Variants in PDLIM3 observed in about 807,000 individuals in gnomAD.
The protein encoded by PDLIM3 is PDZ and LIM domain protein 3.
A neutral mutation model predicts 37.3 loss-of-function variants in PDLIM3; 36 were observed. That is an observed-to-expected ratio of 0.97 (90% CI 0.74 to 1.28). PDLIM3 has a LOEUF of 1.28. PDLIM3 is among the 50% of genes most tolerant of loss of function. The pLI is 0.00. For missense variants in PDLIM3, 454 were observed against 485.0 expected, an observed-to-expected ratio of 0.94 and a Z score of 0.60; for synonymous variants, 174 against 182.4, an observed-to-expected ratio of 0.95 and a Z score of 0.37.
chr4:185,510,617 G>GATTTTTCAAA (rs1156400850), intron 4 of PDLIM3, among the ~76,000 whole-genome samples: 21 of 151,814 alleles, frequency 1.4e-4, no homozygotes, highest in Admixed American at 7.2e-4. Context: ...TTTTCAAATT[G>GATTTTTCAAA]TCGCAAATCT....
rs1448486328 is a variant in PDLIM3, at chr4:185,522,531, T to C, written c.330+831A>G. Among the ~76,000 whole-genome samples, 2 of 66,868 alleles carry C rather than the reference T, an allele frequency of 3.0e-5. 1 individual carries two copies. The highest frequency in any genetic ancestry group is 1.2e-4 in the Non-Finnish European group (2 of 16,264). The allele number at this position is 66,868 out of a possible 152,430, so 43.9% of individuals were successfully genotyped here. A position where few individuals can be genotyped will look rare whatever the true frequency, so the allele number is the denominator to read the frequency against. On this transcript the variant is annotated intron_variant, in intron 3 of 7. Coordinates refer to ENST00000284767, the MANE Select transcript of PDLIM3 (RefSeq NM_014476.6). The stretch of plus-strand genomic sequence containing the variant: ...ATTACAAATACGTTTTCAGTTCCCT[T>C]TCATCAGTTATATAGAACAACTACA...
intron 1 of PDLIM3, among the ~76,000 whole-genome samples, chr4:185,529,570 C>T (rs2095740314): frequency 6.6e-6 from 1 of 152,206 alleles, no homozygotes; most frequent in South Asian, 2.1e-4. Flanking sequence ...TTGGCATCCA[C>T]AGCCCTGCAG....
chr4:185,518,281 T>C (rs1313224888), intron 3 of PDLIM3, among the ~76,000 whole-genome samples: 1 of 152,208 alleles, frequency 6.6e-6, no homozygotes, highest in Admixed American at 6.5e-5. Context: ...CAGTCTCCCA[T>C]GTCCTTGGAA....
chr4:185,523,586 T>G, intron 2 of PDLIM3, 140 bp from the exon 3 acceptor site: 1 of 592,832 alleles, frequency 1.7e-6, no homozygotes, highest in Non-Finnish European at 3.0e-6. Context: ...TTTTGCTGAT[T>G]ATTCTGTATT....
chr4:185,513,183 A>T, intron 4 of PDLIM3: 4 of 985,336 alleles, frequency 4.1e-6, no homozygotes, highest in Non-Finnish European at 4.8e-6. Context: ...AGGGGGGGGA[A>T]GATGTGTTTG....
chr4:185,517,771 G>A lies in PDLIM3; in HGVS notation c.331-3434C>T, dbSNP rs561170745. The A allele has an allele frequency of 4.0e-5, 6 of 151,800 alleles. No homozygotes were observed. In the East Asian group the frequency reaches 7.7e-4, roughly 20 times the overall value. The allele number at this position is 151,800 out of a possible 1,614,324, so 9.4% of individuals were successfully genotyped here. On this transcript the variant is annotated intron_variant, in intron 3 of 7. Transcript: ENST00000284767. ...CTGCAAACATTTTTATTTAGGCTTT[G>A]CAAAGCATTAGTTTATGGGCTTTTA...
chr4:185,527,496 A>G (rs969714886), intron 1 of PDLIM3, among the ~76,000 whole-genome samples: 1 of 152,200 alleles, frequency 6.6e-6, no homozygotes, highest in Non-Finnish European at 1.5e-5. Flanking sequence ...AGCTATCACA[A>G]TGATTTCCCA....
At chr4:185,519,621 C>T (rs2095719982) in intron 3 of PDLIM3, among the ~76,000 whole-genome samples, 1 of 152,096 alleles carries the variant, frequency 6.6e-6, no homozygotes, top group South Asian at 2.1e-4. Flanking sequence ...AATTTTATAT[C>T]AACTATTCCT....
chr4:185,526,304 A>G (rs191455419), intron 1 of PDLIM3, among the ~76,000 whole-genome samples: 297 of 152,376 alleles, frequency 1.9e-3, no homozygotes, highest in Middle Eastern at 0.014. Context: ...GGACAGATGA[A>G]ACCAAACTAG....
chr4:185,534,019 A>C (rs961459868), intron 1 of PDLIM3, among the ~76,000 whole-genome samples: 1 of 152,210 alleles, frequency 6.6e-6, no homozygotes, highest in Admixed American at 6.5e-5. Flanking sequence ...TGCTTGGCCC[A>C]GGTCACTGAA....
intron 5 of PDLIM3, chr4:185,507,219 G>A (rs1231478153): frequency 6.5e-6 from 1 of 152,834 alleles, no homozygotes; most frequent in Non-Finnish European, 1.5e-5. Flanking sequence ...ACCTCTCAGG[G>A]TTTGAAAGCC....
chr4:185,523,582 T>G (rs975872499), intron 2 of PDLIM3, 136 bp from the exon 3 acceptor site: 102 of 542,376 alleles, frequency 1.9e-4, no homozygotes, highest in African/African-American at 1.9e-3. Flanking sequence ...TTTTTTTTGC[T>G]GATTATTCTG....
intron 6 of PDLIM3, 34 bp downstream of exon 6, chr4:185,506,488 C>G (rs1421740076): frequency 4.3e-6 from 7 of 1,612,710 alleles, no homozygotes; most frequent in Non-Finnish European, 5.1e-6. Flanking sequence ...TGGCCTCTAT[C>G]AATACGTTTC....
chr4:185,514,309 T>C lies in PDLIM3; in HGVS notation c.359A>G (p.Asn120Ser), dbSNP rs2095711296. 1 of 1,614,112 alleles carries C rather than the reference T, an allele frequency of 6.2e-7. No homozygotes were observed. Among genetic ancestry groups the C allele is most frequent in the African/African-American group, 1.3e-5 (1 of 74,942 alleles). Residue 120 changes from asparagine to serine, a missense_variant, in exon 4 of 8, where the codon AAT becomes AGT. Physicochemically the swap from Asn to Ser is conservative, Grantham distance 46. Coordinates refer to ENST00000284767, the MANE Select transcript of PDLIM3 (RefSeq NM_014476.6). This position sits in a 1 kb window ranked among gnomAD's most constrained non-coding sequence, Gnocchi z 4.0. ...QDGNYFEHKH[N>S]IRPKPFVIPG... is the part of the protein sequence containing the mutation. ...GATCACGAAAGGTTTGGGCCGAATATTATGCTTGTGTTCAAAGTAGTTCCC... is the reference window on the plus strand; with the variant it reads ...GATCACGAAAGGTTTGGGCCGAATACTATGCTTGTGTTCAAAGTAGTTCCC...
intron 1 of PDLIM3, among the ~76,000 whole-genome samples, chr4:185,528,940 C>A (rs777839239): frequency 6.6e-5 from 10 of 152,160 alleles, no homozygotes; most frequent in African/African-American, 2.4e-5. Flanking sequence ...TTATTATATT[C>A]TTTCCTTATT....
In PDLIM3 at chr4:185,513,947, T is replaced by C; in HGVS notation, c.398+323A>G. On this transcript the variant is annotated intron_variant, in intron 4 of 7. Transcript: ENST00000284767. ...TCCTGCTGGCAGGGCTTTCCTGACC[T>C]GGGATAGACATACTGACTGCCCGAC... 3.3e-6 allele frequency: 4 copies of C among 1,225,434 alleles called. No individual in the cohort carries two copies. The South Asian group carries it at 6.6e-5, about 20-fold the overall frequency. 75.9% of individuals were successfully genotyped at this position (1,225,434 alleles called of 1,614,324 possible).
Position 185,514,770 on chromosome 4 carries a change from A to C in PDLIM3, c.331-433T>G. The C allele has an allele frequency of 6.4e-7, 1 of 1,552,016 alleles. No homozygotes were observed. The highest frequency in any genetic ancestry group is 8.7e-7 in the Non-Finnish European group (1 of 1,147,050). On this transcript the variant is annotated intron_variant, in intron 3 of 7. Transcript: ENST00000284767. The surrounding 1 kb of genome is among the most constrained non-coding windows in gnomAD (Gnocchi z 4.0). ...AGCGCATCTTGTATATTGCTAGTTG[A>C]ATAGAGCCCAATTGGCGAGTTATAG...
intron 4 of PDLIM3, chr4:185,512,964 G>A (rs1013395410): frequency 1.4e-5 from 14 of 985,356 alleles, no homozygotes; most frequent in South Asian, 1.4e-4. Flanking sequence ...GGAGCGAGAC[G>A]GCTCTGGACT....
rs2095713057 is a variant in PDLIM3 at position 185,515,147 on chromosome 4, A to G, written c.331-810T>C. ...TATTATAAAATAATTTAAACATTGCACCTCTTATCTGCCCCTGACTTCTTC... is the reference window on the plus strand; with the variant it reads ...TATTATAAAATAATTTAAACATTGCGCCTCTTATCTGCCCCTGACTTCTTC... On this transcript the variant is annotated intron_variant, in intron 3 of 7. Transcript: ENST00000284767. 4 of 266,130 alleles carry G rather than the reference A, an allele frequency of 1.5e-5. No individual in the cohort carries two copies. The Admixed American group carries it at 2.1e-4, about 14-fold the overall frequency. The allele number at this position is 266,130 out of a possible 1,614,324, so 16.5% of individuals were successfully genotyped here.
Sources: gnomAD v4.1 joint callset for allele counts (sites outside exome capture counted in the v4.1 genomes callset) on GRCh38, gnomAD v4.1.1 for gene constraint, Gnocchi (gnomAD v3.1) non-coding constraint, MANE v1.5 for transcripts, NCBI Gene and HGNC (gene_info 2026-07-23, HGNC 2026-07-21) for gene names.